Variants in IKZF3 observed in about 807,000 individuals in gnomAD.
IKZF3 encodes the protein IKAROS family zinc finger 3, also known as zinc finger protein Aiolos.
A neutral mutation model predicts 49.0 loss-of-function variants in IKZF3; 10 were observed. The observed-to-expected ratio is 0.20, with a 90% CI of 0.13 to 0.35. IKZF3 has a LOEUF of 0.35. Ranked by LOEUF, IKZF3 falls within the 10% of genes least tolerant of loss-of-function variation. IKZF3 has a pLI of 1.00. For synonymous variants in IKZF3, 209 were observed against 228.2 expected (o/e 0.92, Z 0.76); for missense variants, 498 against 664.8 (o/e 0.75, Z 2.76).
At chr17:39,767,474 G>A (rs1356381495) in intron 7 of IKZF3, among the ~76,000 whole-genome samples, 1 of 152,126 alleles carries the variant, frequency 6.6e-6, no homozygotes. Context: ...AGGAAGTGGA[G>A]CCGAGTGCTG....
At chr17:39,790,895 A>G (rs968676706) in intron 5 of IKZF3, among the ~76,000 whole-genome samples, 1 of 130,344 alleles carries the variant, frequency 7.7e-6, no homozygotes, top group Admixed American at 7.4e-5. Context: ...ATGTTTATTT[A>G]AAAAAAAAAA....
rs1053113521 is a variant in IKZF3, at chr17:39,777,578, T to C, written c.826+73A>G. ...AGAGGTTAAGCTAGGAAAGGCCTTG[T>C]GTAGCAAGCATCCTATGTTATTTCA... On this transcript the variant is annotated intron_variant, in intron 7 of 7. Transcript: ENST00000346872. 3 of 1,016,998 alleles carry C rather than the reference T, an allele frequency of 2.9e-6. No individual in the cohort carries two copies. In the African/African-American group the frequency reaches 4.8e-5, roughly 16 times the overall value. The allele number at this position is 1,016,998 out of a possible 1,614,324, so 63.0% of individuals were successfully genotyped here.
At chr17:39,841,607 A>G (rs932060442) in intron 1 of IKZF3, among the ~76,000 whole-genome samples, 1 of 152,132 alleles carries the variant, frequency 6.6e-6, no homozygotes, top group Non-Finnish European at 1.5e-5. Flanking sequence ...TGTATTACAT[A>G]GTGGAGGAAT....
intron 3 of IKZF3, among the ~76,000 whole-genome samples, chr17:39,797,621 C>T (rs1445098170): frequency 5.3e-5 from 8 of 151,984 alleles, no homozygotes; most frequent in African/African-American, 1.9e-4. Context: ...CAGGGTTTTA[C>T]CATGTTGGCC....
chr17:39,813,680 A>G (rs1331153004), intron 3 of IKZF3, among the ~76,000 whole-genome samples: 3 of 152,102 alleles, frequency 2.0e-5, no homozygotes, highest in African/African-American at 7.2e-5. Flanking sequence ...TTTTATCATC[A>G]ACAGAACTTA....
chr17:39,811,079 G>A (rs1219129589), intron 3 of IKZF3, among the ~76,000 whole-genome samples: 1 of 151,722 alleles, frequency 6.6e-6, no homozygotes, highest in African/African-American at 2.4e-5. Context: ...TCTACAAAAA[G>A]TTAAAAAATT....
At chr17:39,835,711 TCTC>T in intron 1 of IKZF3, 1 of 494,674 alleles carries the variant, frequency 2.0e-6, no homozygotes, top group South Asian at 1.6e-5. Flanking sequence ...AGCTCCCAGA[TCTC>T]CTCTTCATAC....
chr17:39,796,033 C>T (rs1456787747), intron 3 of IKZF3, among the ~76,000 whole-genome samples: 5 of 151,740 alleles, frequency 3.3e-5, no homozygotes, highest in African/African-American at 1.2e-4. Context: ...CAGAGCGAGA[C>T]GCCATCTCAA....
chr17:39,775,987 G>C (rs1227204469), intron 7 of IKZF3, among the ~76,000 whole-genome samples: 1 of 150,960 alleles, frequency 6.6e-6, no homozygotes, highest in Non-Finnish European at 1.5e-5. Flanking sequence ...TTCTTGCCCA[G>C]CTCTCCCTAT....
intron 3 of IKZF3, among the ~76,000 whole-genome samples, chr17:39,817,111 G>A (rs1330821912): frequency 1.3e-5 from 2 of 152,292 alleles, no homozygotes; most frequent in Non-Finnish European, 2.9e-5. Flanking sequence ...AAATTAGTCT[G>A]TCTTTCCGCA....
At chr17:39,766,590 G>A (rs1165424306) in intron 7 of IKZF3, 97 bp from the exon 8 acceptor site, 7 of 1,011,612 alleles carry the variant, frequency 6.9e-6, no homozygotes, top group Non-Finnish European at 1.0e-5. Context: ...GGAGAGTTAA[G>A]TTGCCTGCTG....
rs1214946317 is a variant in IKZF3 at position 39,856,009 on chromosome 17, A to AACATGTATATTGTATATGTACAATAT, written c.7+8085_7+8110dup. ...CATGTATATTGTATATGTACAATAT[A>AACATGTATATTGTATATGTACAATAT]ACATGTATATTGTATATGTACAATA... is the stretch of plus-strand genomic sequence containing the variant. On this transcript the variant is annotated intron_variant, in intron 1 of 7. Coordinates refer to ENST00000346872, the MANE Select transcript of IKZF3 (RefSeq NM_012481.5). Among the ~76,000 whole-genome samples, 392 of 148,566 alleles carry AACATGTATATTGTATATGTACAATAT rather than the reference A, an allele frequency of 2.6e-3. 5 individuals carry two copies. Among genetic ancestry groups the AACATGTATATTGTATATGTACAATAT allele is most frequent in the Admixed American group, 4.0e-3 (60 of 14,948 alleles).
At chr17:39,791,180 CTG>C (rs1349843987) in intron 5 of IKZF3, among the ~76,000 whole-genome samples, 1 of 152,046 alleles carries the variant, frequency 6.6e-6, no homozygotes, top group Non-Finnish European at 1.5e-5. Flanking sequence ...TCCTATCTGA[CTG>C]TGTTGTTCTC....
At chr17:39,827,555 G>A (rs1424999456) in intron 3 of IKZF3, among the ~76,000 whole-genome samples, 1 of 152,078 alleles carries the variant, frequency 6.6e-6, no homozygotes, top group East Asian at 1.9e-4. Context: ...AGATCCTCCT[G>A]CTTCAGCCTC....
chr17:39,825,284 C>A (rs1378852585), intron 3 of IKZF3, among the ~76,000 whole-genome samples: 2 of 152,106 alleles, frequency 1.3e-5, no homozygotes, highest in Non-Finnish European at 2.9e-5. Flanking sequence ...TCAGTGTGGA[C>A]ACAAAGAAAA....
chr17:39,792,580 A>AAAGTAACC, intron 4 of IKZF3, 93 bp downstream of exon 4: 3 of 1,333,140 alleles, frequency 2.3e-6, no homozygotes, highest in Non-Finnish European at 3.1e-6. Context: ...AAAATCAATG[A>AAAGTAACC]AAGTAACCAA....
chr17:39,833,224 T>G (rs912215049), intron 1 of IKZF3, among the ~76,000 whole-genome samples: 6 of 152,210 alleles, frequency 3.9e-5, no homozygotes, highest in Admixed American at 6.5e-5. Context: ...ATGATTATTA[T>G]TAACTAAAAT....
intron 3 of IKZF3, among the ~76,000 whole-genome samples, chr17:39,794,243 G>C (rs1480553175): frequency 6.6e-6 from 1 of 152,122 alleles, no homozygotes. Flanking sequence ...CAATTACTTG[G>C]ATTTGACCTC....
At chr17:39,819,734 A>G (rs1000842904) in intron 3 of IKZF3, among the ~76,000 whole-genome samples, 6 of 152,154 alleles carry the variant, frequency 3.9e-5, no homozygotes, top group African/African-American at 1.4e-4. Flanking sequence ...CAGTGGTGCA[A>G]TCTTGGCTCA....
Sources: allele counts gnomAD v4.1 joint callset (sites outside exome capture counted in the v4.1 genomes callset), GRCh38; gene constraint gnomAD v4.1.1; transcripts MANE v1.5; gene names NCBI Gene and HGNC (gene_info 2026-07-23, HGNC 2026-07-21).